The following KCNJ6 variants were observed in gnomAD, a reference collection of about 807,000 sequenced individuals.
KCNJ6 encodes the protein G protein-activated inward rectifier potassium channel 2.
In KCNJ6, 9 loss-of-function variants were observed where a neutral mutation model predicts 34.2. The ratio of observed to expected loss-of-function variants is 0.26; its 90% CI spans 0.16 to 0.46. The LOEUF (loss-of-function observed/expected upper bound fraction) is 0.46. Among genes scored for constraint, KCNJ6 ranks in the 20% least tolerant of loss-of-function variants. The pLI is 1.00. For synonymous variants in KCNJ6, 196 were observed against 207.1 expected (o/e 0.95, Z 0.46); for missense variants, 236 against 531.3 (o/e 0.44, Z 5.46).
chr21:37,630,672 A>G (rs1569433077), intron 3 of KCNJ6, among the ~76,000 whole-genome samples: 1 of 152,174 alleles, frequency 6.6e-6, no homozygotes, highest in Non-Finnish European at 1.5e-5. Context: ...ACAAGTAAAA[A>G]TTATACATAT....
Position 37,614,723 on chromosome 21 carries a change from C to T in KCNJ6, c.*10436G>A, listed in dbSNP as rs73220488. On this transcript the variant is annotated 3_prime_UTR_variant, in exon 4 of 4. Coordinates refer to ENST00000609713, the MANE Select transcript of KCNJ6 (RefSeq NM_002240.5). The stretch of plus-strand genomic sequence containing the variant: ...GTGTGTGTATGCATGTGCATGTATG[C>T]GTGTGTGTGTATGCGCATGTCTCTG... The T allele has an allele frequency of 0.29, 30,830 of 105,516 alleles. 3,431 individuals carry two copies. Among genetic ancestry groups the T allele is most frequent in the Middle Eastern group, 0.4 (69 of 172 alleles). 6.5% of individuals were successfully genotyped at this position (105,516 alleles called of 1,614,324 possible). A position where few individuals can be genotyped will look rare whatever the true frequency, so the allele number is the denominator to read the frequency against.
intron 2 of KCNJ6, among the ~76,000 whole-genome samples, chr21:37,804,203 A>T (rs1411558434): frequency 3.3e-5 from 5 of 152,152 alleles, no homozygotes; most frequent in Admixed American, 3.3e-4. Context: ...GTTGACAAGG[A>T]TGTGGGGAAA....
chr21:37,750,610 C>T (rs1332629854), intron 2 of KCNJ6, among the ~76,000 whole-genome samples: 2 of 152,130 alleles, frequency 1.3e-5, no homozygotes, highest in Non-Finnish European at 2.9e-5. Context: ...CCACCATCCT[C>T]AGCAAACTAA....
At chr21:37,654,185 A>G (rs553054082) in intron 3 of KCNJ6, among the ~76,000 whole-genome samples, 1 of 125,710 alleles carries the variant, frequency 8.0e-6, no homozygotes, top group South Asian at 2.5e-4. Context: ...CTCGTTTGTT[A>G]GTTCATCCAC....
chr21:37,667,183 A>AAAAAAAAAAAAAAAAAAAC (rs2054518489), intron 3 of KCNJ6, among the ~76,000 whole-genome samples: 1 of 71,968 alleles, frequency 1.4e-5, no homozygotes, highest in Non-Finnish European at 3.6e-5. Flanking sequence ...AAAAAAAAAA[A>AAAAAAAAAAAAAAAAAAAC]ATTAAATGAG....
At chr21:37,915,088 T>A (rs1040079544) in intron 1 of KCNJ6, among the ~76,000 whole-genome samples, 1 of 152,166 alleles carries the variant, frequency 6.6e-6, no homozygotes, top group Non-Finnish European at 1.5e-5. Context: ...TACCTGTGGA[T>A]CCACTGGGCT....
chr21:37,694,412 G>A (rs2054654758), intron 3 of KCNJ6, among the ~76,000 whole-genome samples: 1 of 152,106 alleles, frequency 6.6e-6, no homozygotes, highest in Non-Finnish European at 1.5e-5. Context: ...AGCATTTTTG[G>A]TATCTTTCAA....
chr21:37,714,475 T>G lies in KCNJ6; in HGVS notation c.682A>C (p.Arg228=). ...GAAGCCTCCACAATGTGGGAATTCC[T>G]AAGGTCCCCTACCCGGAACATCAGG... ...LCLMFRVGDL[R]NSHIVEASIR... Residue 228 remains arginine, a synonymous_variant, in exon 3 of 4, where the codon AGG becomes CGG. Coordinates refer to ENST00000609713, the MANE Select transcript of KCNJ6 (RefSeq NM_002240.5). This position sits in a 1 kb window ranked among gnomAD's most constrained non-coding sequence, Gnocchi z 5.9. 1 of 1,614,152 alleles carries G rather than the reference T, an allele frequency of 6.2e-7. No homozygotes were observed. The highest frequency in any genetic ancestry group is 1.1e-5 in the South Asian group (1 of 91,068).
chr21:37,761,672 T>C (rs1320509495), intron 2 of KCNJ6, among the ~76,000 whole-genome samples: 1 of 151,462 alleles, frequency 6.6e-6, no homozygotes, highest in Non-Finnish European at 1.5e-5. Flanking sequence ...GTATGTAGTT[T>C]GTGTGTATAT....
At chr21:37,828,070 G>T (rs2055407375) in intron 2 of KCNJ6, among the ~76,000 whole-genome samples, 1 of 152,186 alleles carries the variant, frequency 6.6e-6, no homozygotes, top group African/African-American at 2.4e-5. Flanking sequence ...TACACCCTCT[G>T]TGGACGGCAG....
At chr21:37,725,894 G>T (rs747044961) in intron 2 of KCNJ6, among the ~76,000 whole-genome samples, 3 of 152,076 alleles carry the variant, frequency 2.0e-5, no homozygotes, top group Non-Finnish European at 4.4e-5. Flanking sequence ...AATGAAGCTT[G>T]CATTTATTTA....
intron 3 of KCNJ6, among the ~76,000 whole-genome samples, chr21:37,703,000 G>T (rs1255080290): frequency 6.6e-6 from 1 of 152,162 alleles, no homozygotes; most frequent in Non-Finnish European, 1.5e-5. Flanking sequence ...GAGATGGGAA[G>T]TAAGAAAGTG....
At chr21:37,643,338 C>T (rs2123379281) in intron 3 of KCNJ6, among the ~76,000 whole-genome samples, 1 of 152,294 alleles carries the variant, frequency 6.6e-6, no homozygotes, top group East Asian at 1.9e-4. Context: ...CTCAGGGAAG[C>T]CACCCTGTGG....
At chr21:37,798,612 T>G (rs1046598508) in intron 2 of KCNJ6, among the ~76,000 whole-genome samples, 1 of 152,226 alleles carries the variant, frequency 6.6e-6, no homozygotes, top group South Asian at 2.1e-4. Context: ...AGTACTGATC[T>G]GTGCTACAAC....
At chr21:37,836,273 C>T (rs2055451219) in intron 2 of KCNJ6, among the ~76,000 whole-genome samples, 1 of 152,194 alleles carries the variant, frequency 6.6e-6, no homozygotes, top group South Asian at 2.1e-4. Flanking sequence ...GAAGTAGGAA[C>T]ATTTTACACT....
chr21:37,778,694 T>C (rs2055154352), intron 2 of KCNJ6, among the ~76,000 whole-genome samples: 3 of 136,618 alleles, frequency 2.2e-5, no homozygotes, highest in African/African-American at 5.8e-5. Context: ...GTGTGCTGTG[T>C]GCGTGTGTGT....
Position 37,625,119 on chromosome 21 carries a change from G to A in KCNJ6, c.*40C>T, listed in dbSNP as rs1404164934. 2 of 1,335,458 alleles carry A rather than the reference G, an allele frequency of 1.5e-6. No homozygotes were observed. Among genetic ancestry groups the A allele is most frequent in the East Asian group, 2.3e-5 (1 of 43,416 alleles). 82.7% of individuals were successfully genotyped at this position (1,335,458 alleles called of 1,614,324 possible). Reference sequence around the variant, plus strand: ...AGAGAATGAGAGACAAGGAAAGATTGTGTTGGGGGGAGAAGAGAAGGGTTT... The same window carrying A: ...AGAGAATGAGAGACAAGGAAAGATTATGTTGGGGGGAGAAGAGAAGGGTTT... On this transcript the variant is annotated 3_prime_UTR_variant, in exon 4 of 4. Transcript: ENST00000609713.
At chr21:37,850,692 C>T (rs1486395368) in intron 1 of KCNJ6, among the ~76,000 whole-genome samples, 1 of 152,106 alleles carries the variant, frequency 6.6e-6, no homozygotes, top group Non-Finnish European at 1.5e-5. Context: ...TTTAAGGAGT[C>T]ACTCAAGCCC....
At chr21:37,843,378 C>T (rs551312399) in intron 1 of KCNJ6, among the ~76,000 whole-genome samples, 7 of 152,220 alleles carry the variant, frequency 4.6e-5, no homozygotes, top group Admixed American at 4.6e-4. Flanking sequence ...TATAGCTCTC[C>T]CAGACTGACT....
Sources: allele counts gnomAD v4.1 joint callset (sites outside exome capture counted in the v4.1 genomes callset), GRCh38; gene constraint gnomAD v4.1.1; non-coding constraint Gnocchi (gnomAD v3.1); transcripts MANE v1.5; gene names NCBI Gene and HGNC (gene_info 2026-07-23, HGNC 2026-07-21).